Variants in DCDC1 observed in about 807,000 individuals in gnomAD.
DCDC1 encodes doublecortin domain containing 1.
In DCDC1, 200 loss-of-function variants were observed where a neutral mutation model predicts 178.3. That is an observed-to-expected ratio of 1.12 (90% CI 1.00 to 1.26). DCDC1 has a LOEUF of 1.26. Ranked by LOEUF, DCDC1 falls within the 50% of genes most tolerant of loss-of-function variation. The pLI is 0.00. For synonymous variants in DCDC1, 690 were observed against 604.8 expected, an observed-to-expected ratio of 1.14 and a Z score of -2.07; for missense variants, 1,983 against 1,749.2, an observed-to-expected ratio of 1.13 and a Z score of -2.38.
intron 10 of DCDC1, among the ~76,000 whole-genome samples, chr11:31,137,411 G>A (rs1306429938): frequency 6.1e-5 from 9 of 148,256 alleles, no homozygotes; most frequent in African/African-American, 1.2e-4. Context: ...GTGCAGTCGC[G>A]CAATCTCTGC....
chr11:30,968,565 T>C (rs1260495837), intron 20 of DCDC1, among the ~76,000 whole-genome samples: 1 of 151,026 alleles, frequency 6.6e-6, no homozygotes, highest in Non-Finnish European at 1.5e-5. Context: ...TTACTGTGTA[T>C]AATTTATAAA....
In DCDC1 at chr11:31,305,486, A is replaced by G. The variant is rs947873109; in HGVS notation, c.754+129T>C. 4 of 1,197,626 alleles carry G rather than the reference A, an allele frequency of 3.3e-6. No homozygotes were observed. The African/African-American group carries it at 6.1e-5, about 18-fold the overall frequency. 74.2% of individuals were successfully genotyped at this position (1,197,626 alleles called of 1,614,324 possible). ...CATTAAGCACATTATCCTCTTACTGAGCTGTAAATGCGTAAACATTAGTTT... is the reference window on the plus strand; with the variant it reads ...CATTAAGCACATTATCCTCTTACTGGGCTGTAAATGCGTAAACATTAGTTT... On this transcript the variant is annotated intron_variant, in intron 6 of 38. Coordinates refer to ENST00000684477, the MANE Select transcript of DCDC1 (RefSeq NM_001387274.1).
Position 30,884,033 on chromosome 11 carries a change from A to ATTT in DCDC1, c.5083-2728_5083-2726dup, listed in dbSNP as rs59940255. ...AAAGAAAACCAAAGCATTCTTTCTC[A>ATTT]TTTTTTTTTTTTTTTGAGACAGGGT... On this transcript the variant is annotated intron_variant, in intron 36 of 38. Transcript: ENST00000684477. 5.7e-4 allele frequency among the ~76,000 whole-genome samples: 55 copies of ATTT among 95,774 alleles called. 2 individuals are homozygous for ATTT. Among genetic ancestry groups the ATTT allele is most frequent in the African/African-American group, 2.3e-3 (51 of 22,634 alleles). The allele number at this position is 95,774 out of a possible 152,430, so 62.8% of individuals were successfully genotyped here.
chr11:31,319,214 G>GTTGACT (rs1219977597), intron 3 of DCDC1, among the ~76,000 whole-genome samples: 1 of 15,212 alleles, frequency 6.6e-5, no homozygotes, highest in East Asian at 6.9e-4. Flanking sequence ...GGGTATCCTT[G>GTTGACT]TTGACTTTCT....
chr11:31,006,543 T>C (rs148881142), intron 20 of DCDC1, among the ~76,000 whole-genome samples: 22 of 152,334 alleles, frequency 1.4e-4, no homozygotes, highest in African/African-American at 5.3e-4. Context: ...TGCCACTTAC[T>C]AGCAGTGTAT....
At chr11:30,938,134 AT>A (rs1014672700) in intron 21 of DCDC1, among the ~76,000 whole-genome samples, 4 of 150,240 alleles carry the variant, frequency 2.7e-5, no homozygotes, top group African/African-American at 9.8e-5. Flanking sequence ...CTTTTACATT[AT>A]TTTTCTCCCC....
At chr11:31,197,464 T>C (rs905347514) in intron 9 of DCDC1, among the ~76,000 whole-genome samples, 8 of 152,144 alleles carry the variant, frequency 5.3e-5, no homozygotes, top group Non-Finnish European at 1.5e-5. Flanking sequence ...TTAATTGTTT[T>C]ATTCAACCCT....
intron 25 of DCDC1, among the ~76,000 whole-genome samples, chr11:30,919,488 T>C (rs184746959): frequency 7.4e-4 from 113 of 151,990 alleles, no homozygotes; most frequent in Non-Finnish European, 1.4e-3. Flanking sequence ...CTCTCAAAAA[T>C]GTTTCTTTTT....
intron 9 of DCDC1, among the ~76,000 whole-genome samples, chr11:31,207,110 T>C (rs1971954012): frequency 6.6e-6 from 1 of 152,210 alleles, no homozygotes; most frequent in South Asian, 2.1e-4. Flanking sequence ...GGAAATTACT[T>C]AACCCTTATG....
At chr11:31,168,014 C>T (rs977556471) in intron 9 of DCDC1, among the ~76,000 whole-genome samples, 4 of 152,146 alleles carry the variant, frequency 2.6e-5, no homozygotes, top group African/African-American at 7.2e-5. Flanking sequence ...TAGGCACACA[C>T]ATGCATGCAC....
At chr11:31,077,755 C>A in intron 18 of DCDC1, 110 bp downstream of exon 18, 1 of 606,950 alleles carries the variant, frequency 1.6e-6, no homozygotes, top group East Asian at 2.8e-5. Context: ...AGAGTGAAGT[C>A]ATATATGCAG....
chr11:31,254,269 C>A (rs1189934876), intron 8 of DCDC1, among the ~76,000 whole-genome samples: 2 of 152,126 alleles, frequency 1.3e-5, no homozygotes, highest in African/African-American at 4.8e-5. Flanking sequence ...AGAGACTGAT[C>A]TAGCTACAAC....
chr11:31,332,026 G>A (rs570770838), intron 2 of DCDC1, among the ~76,000 whole-genome samples: 98 of 152,176 alleles, frequency 6.4e-4, no homozygotes, highest in Non-Finnish European at 1.2e-3. Flanking sequence ...TTTTTGGTTG[G>A]TGGGCTATTA....
At chr11:31,080,841 T>C (rs1220410594) in intron 17 of DCDC1, among the ~76,000 whole-genome samples, 1 of 152,250 alleles carries the variant, frequency 6.6e-6, no homozygotes, top group Non-Finnish European at 1.5e-5. Flanking sequence ...AGTATATTTC[T>C]TCGAGATAAA....
chr11:31,239,595 A>C (rs1160052095), intron 9 of DCDC1, among the ~76,000 whole-genome samples: 1 of 151,934 alleles, frequency 6.6e-6, no homozygotes, highest in African/African-American at 2.4e-5. Context: ...TCATATTAAA[A>C]CTGCTGAATG....
intron 2 of DCDC1, among the ~76,000 whole-genome samples, chr11:31,330,616 G>T (rs1949922997): frequency 6.6e-6 from 1 of 152,136 alleles, no homozygotes; most frequent in African/African-American, 2.4e-5. Flanking sequence ...TTCTACATAT[G>T]GCTAGCCAGT....
intron 6 of DCDC1, among the ~76,000 whole-genome samples, chr11:31,300,100 C>T (rs1316615413): frequency 6.6e-6 from 1 of 151,454 alleles, no homozygotes; most frequent in Non-Finnish European, 1.5e-5. Flanking sequence ...TCACGATTTG[C>T]TTGCCTTGGC....
At chr11:30,911,568 A>G in intron 27 of DCDC1, 148 bp from the exon 28 acceptor site, 1 of 673,330 alleles carries the variant, frequency 1.5e-6, no homozygotes, top group Non-Finnish European at 2.6e-6. Context: ...CCCTACAGTA[A>G]GTGTGATGTT....
At chr11:31,232,942 G>T (rs1343747623) in intron 9 of DCDC1, among the ~76,000 whole-genome samples, 1 of 152,070 alleles carries the variant, frequency 6.6e-6, no homozygotes, top group Non-Finnish European at 1.5e-5. Context: ...ACAAAAATTA[G>T]CCGGGCATGG....
Sources: gnomAD v4.1 joint callset for allele counts (sites outside exome capture counted in the v4.1 genomes callset) on GRCh38, gnomAD v4.1.1 for gene constraint, MANE v1.5 for transcripts, NCBI Gene and HGNC (gene_info 2026-07-23, HGNC 2026-07-21) for gene names.